The following SPECC1 variants were observed in gnomAD, a reference collection of about 807,000 sequenced individuals.
SPECC1 encodes cytospin-B.
Under a neutral mutation model 104.1 loss-of-function variants are expected in SPECC1, and 62 were observed. That is an observed-to-expected ratio of 0.60 (90% confidence interval 0.49 to 0.74). The LOEUF is 0.74. Ranked by LOEUF, SPECC1 falls within the 30% of genes least tolerant of loss-of-function variation. The pLI is 0.00. For missense variants in SPECC1, 1,306 were observed against 1,310.5 expected (o/e 1.00, Z 0.05); for synonymous variants, 513 against 501.6 (o/e 1.02, Z -0.30).
At chr17:20,087,318 T>C (rs2047216048) in intron 1 of SPECC1, among the ~76,000 whole-genome samples, 1 of 152,230 alleles carries the variant, frequency 6.6e-6, no homozygotes, top group Admixed American at 6.5e-5. Flanking sequence ...TATTAAGTTT[T>C]ATAACACTGA....
chr17:20,018,785 G>A (rs897666039), intron 1 of SPECC1, among the ~76,000 whole-genome samples: 4 of 152,214 alleles, frequency 2.6e-5, no homozygotes, highest in African/African-American at 9.7e-5. Flanking sequence ...GGATGTATGT[G>A]CTTAACTCCC....
intron 12 of SPECC1, among the ~76,000 whole-genome samples, chr17:20,285,082 C>G (rs2040897222): frequency 6.6e-6 from 1 of 152,092 alleles, no homozygotes. Flanking sequence ...CAGTGTGTAC[C>G]CTGCAGCTTG....
chr17:20,140,149 A>C (rs1299366548), intron 3 of SPECC1, among the ~76,000 whole-genome samples: 1 of 152,190 alleles, frequency 6.6e-6, no homozygotes, highest in Non-Finnish European at 1.5e-5. Flanking sequence ...AAACCAGGGA[A>C]ACCTAAAAAA....
intron 12 of SPECC1, among the ~76,000 whole-genome samples, chr17:20,289,282 C>T (rs1023263374): frequency 1.3e-5 from 2 of 152,128 alleles, no homozygotes. Flanking sequence ...AAATACAATT[C>T]AAGTTGAGAT....
At position 20,011,146 on chromosome 17, in the gene SPECC1, C is replaced by A. The variant is rs1325996179; in HGVS notation, c.-22+1722C>A. Among the ~76,000 whole-genome samples the A allele has an allele frequency of 2.6e-5, 4 of 152,264 alleles. No individual in the cohort carries two copies. In the South Asian group the frequency reaches 8.3e-4, roughly 32 times the overall value. On this transcript the variant is annotated intron_variant, in intron 1 of 14. Coordinates refer to ENST00000395527, the MANE Select transcript of SPECC1 (RefSeq NM_001243439.2). ...CATAACAAGGATCAGGCTGTCCTCT[C>A]TGATTAAATTGGGAAACTTTCCATC...
chr17:20,168,157 CA>C (rs2033810791), intron 3 of SPECC1, among the ~76,000 whole-genome samples: 1 of 152,042 alleles, frequency 6.6e-6, no homozygotes, highest in Admixed American at 6.5e-5. Flanking sequence ...CAAAGCTTTT[CA>C]AAGATGGTAT....
chr17:20,116,926 G>T (rs544846104), intron 3 of SPECC1, among the ~76,000 whole-genome samples: 1 of 150,610 alleles, frequency 6.6e-6, no homozygotes, highest in Non-Finnish European at 1.5e-5. Context: ...CCCTGCAGTG[G>T]AGAGTGTCCT....
intron 14 of SPECC1, among the ~76,000 whole-genome samples, chr17:20,307,139 C>A (rs1291287527): frequency 1.3e-5 from 2 of 152,060 alleles, no homozygotes; most frequent in Non-Finnish European, 2.9e-5. Context: ...ACAGGGAGAT[C>A]ACCCAAAATA....
intron 1 of SPECC1, among the ~76,000 whole-genome samples, chr17:20,087,632 G>A (rs1330704813): frequency 6.6e-6 from 1 of 152,048 alleles, no homozygotes; most frequent in African/African-American, 2.4e-5. Context: ...TGTTTTCAGT[G>A]AAAGCCAGAA....
intron 12 of SPECC1, among the ~76,000 whole-genome samples, chr17:20,289,221 G>C (rs1168057402): frequency 6.6e-6 from 1 of 152,192 alleles, no homozygotes; most frequent in Non-Finnish European, 1.5e-5. Context: ...TGGCCCCCAT[G>C]ATTCAGTTAC....
intron 10 of SPECC1, among the ~76,000 whole-genome samples, chr17:20,254,917 T>C (rs2039769086): frequency 6.6e-6 from 1 of 152,128 alleles, no homozygotes; most frequent in Admixed American, 6.6e-5. Context: ...GATTTTAGAG[T>C]TGGGTAAACA....
chr17:20,192,835 T>C (rs1212893724), intron 3 of SPECC1, among the ~76,000 whole-genome samples: 3 of 152,198 alleles, frequency 2.0e-5, no homozygotes, highest in Non-Finnish European at 1.5e-5. Flanking sequence ...CTTATACAGC[T>C]TATTTTTATG....
At chr17:20,252,726 C>T (rs1221749407) in intron 9 of SPECC1, among the ~76,000 whole-genome samples, 9 of 152,134 alleles carry the variant, frequency 5.9e-5, no homozygotes, top group Non-Finnish European at 1.5e-5. Context: ...AATAATATTC[C>T]ATTGTATATT....
At position 20,241,269 on chromosome 17, in the gene SPECC1, G is replaced by C. The variant is rs140862852; in HGVS notation, c.2352-4657G>C. 8.4e-3 allele frequency among the ~76,000 whole-genome samples: 1,275 copies of C among 152,256 alleles called. 9 individuals are homozygous for C. Among genetic ancestry groups the C allele is most frequent in the Middle Eastern group, 0.014 (4 of 294 alleles). ...GCCAGCTCTCTGGATCTCTTTGCGT[G>C]CCCCTCATCCATTTTAGGTGCACAC... On this transcript the variant is annotated intron_variant, in intron 7 of 14. Coordinates refer to ENST00000395527, the MANE Select transcript of SPECC1 (RefSeq NM_001243439.2).
At chr17:20,229,879 ATTTG>A (rs765776964) in intron 5 of SPECC1, among the ~76,000 whole-genome samples, 1 of 152,192 alleles carries the variant, frequency 6.6e-6, no homozygotes, top group Non-Finnish European at 1.5e-5. Context: ...CCAAAGCAAT[ATTTG>A]TTCACATCAC....
intron 1 of SPECC1, among the ~76,000 whole-genome samples, chr17:20,016,217 CAAA>C (rs71157853): frequency 3.7e-4 from 39 of 104,032 alleles, no homozygotes; most frequent in African/African-American, 9.8e-4. Context: ...GACTCCATCT[CAAA>C]AAAAAAAAAA....
intron 1 of SPECC1, among the ~76,000 whole-genome samples, chr17:20,079,457 G>C (rs976967029): frequency 6.6e-5 from 10 of 152,128 alleles, no homozygotes; most frequent in African/African-American, 1.2e-4. Context: ...GCACCACCGT[G>C]CCTGGCTAAT....
In SPECC1 at chr17:20,156,065, G is replaced by A. The variant is rs1055197700; in HGVS notation, c.283+45503G>A. ...CGGCAGCTGCTGGGAACTGGAAGGC[G>A]CCCGGTCCTTTCTTTGACTGGAGCG... is the stretch of plus-strand genomic sequence containing the variant. On this transcript the variant is annotated intron_variant, in intron 3 of 14. Transcript: ENST00000395527. 1.5e-4 allele frequency: 195 copies of A among 1,310,918 alleles called. 1 individual carries two copies. Among genetic ancestry groups the A allele is most frequent in the South Asian group, 2.9e-4 (14 of 48,852 alleles). The allele number at this position is 1,310,918 out of a possible 1,614,324, so 81.2% of individuals were successfully genotyped here. A position where few individuals can be genotyped will look rare whatever the true frequency, so the allele number is the denominator to read the frequency against.
intron 3 of SPECC1, among the ~76,000 whole-genome samples, chr17:20,198,129 G>A (rs2036159289): frequency 6.6e-6 from 1 of 151,954 alleles, no homozygotes; most frequent in Admixed American, 6.5e-5. Context: ...TTTTGTTCTG[G>A]CCAGAGCAAA....
Sources: gnomAD v4.1 joint callset for allele counts (sites outside exome capture counted in the v4.1 genomes callset) on GRCh38, gnomAD v4.1.1 for gene constraint, MANE v1.5 for transcripts, NCBI Gene and HGNC (gene_info 2026-07-23, HGNC 2026-07-21) for gene names.